CAMK2D: variants seen among roughly 807,000 people sequenced by gnomAD.
The protein encoded by CAMK2D is calcium/calmodulin dependent protein kinase II delta.
CAMK2D carries 37 observed loss-of-function variants against 84.0 expected under a neutral mutation model. That is an observed-to-expected ratio of 0.44 (90% confidence interval 0.34 to 0.58). The LOEUF is 0.58. CAMK2D is among the 20% of genes least tolerant of loss of function. The pLI, the probability that CAMK2D is intolerant of heterozygous loss-of-function variation, is 0.02. For synonymous variants in CAMK2D, 202 were observed against 212.5 expected, an observed-to-expected ratio of 0.95 and a Z score of 0.43; for missense variants, 448 against 652.5, an observed-to-expected ratio of 0.69 and a Z score of 3.41.
chr4:113,614,014 T>G (rs2099011665), intron 3 of CAMK2D, among the ~76,000 whole-genome samples: 1 of 152,100 alleles, frequency 6.6e-6, no homozygotes, highest in African/African-American at 2.4e-5. Context: ...CTTATCCATT[T>G]TGATGACACA....
At chr4:113,613,765 A>T (rs1279542608) in intron 3 of CAMK2D, among the ~76,000 whole-genome samples, 1 of 152,174 alleles carries the variant, frequency 6.6e-6, no homozygotes, top group East Asian at 1.9e-4. Context: ...GAAGAATCTG[A>T]AAGCTTACCC....
chr4:113,574,964 GA>G (rs1261508643), intron 4 of CAMK2D, among the ~76,000 whole-genome samples: 2 of 152,126 alleles, frequency 1.3e-5, no homozygotes, highest in Non-Finnish European at 2.9e-5. Context: ...AGCATATGGT[GA>G]AATCAGTTGA....
chr4:113,723,370 G>A (rs556488816), intron 2 of CAMK2D, among the ~76,000 whole-genome samples: 23 of 152,028 alleles, frequency 1.5e-4, no homozygotes, highest in African/African-American at 4.6e-4. Flanking sequence ...GAATACAGGC[G>A]TGTGCCACCA....
intron 16 of CAMK2D, among the ~76,000 whole-genome samples, chr4:113,495,361 A>T (rs1319004349): frequency 6.6e-6 from 1 of 152,248 alleles, no homozygotes; most frequent in Non-Finnish European, 1.5e-5. Flanking sequence ...TGAGAAATGT[A>T]TGCAAGACAA....
chr4:113,698,817 T>C (rs1176091274), intron 2 of CAMK2D, among the ~76,000 whole-genome samples: 4 of 152,060 alleles, frequency 2.6e-5, no homozygotes, highest in Non-Finnish European at 5.9e-5. Flanking sequence ...AAAATGGGTA[T>C]ATAGCTATAT....
At chr4:113,599,024 T>C (rs947004375) in intron 4 of CAMK2D, among the ~76,000 whole-genome samples, 5 of 152,160 alleles carry the variant, frequency 3.3e-5, no homozygotes, top group Admixed American at 6.6e-5. Flanking sequence ...TACCTCACCA[T>C]AGAAGAATGC....
intron 3 of CAMK2D, among the ~76,000 whole-genome samples, chr4:113,660,438 C>A (rs1047894721): frequency 6.6e-6 from 1 of 152,122 alleles, no homozygotes; most frequent in Non-Finnish European, 1.5e-5. Flanking sequence ...CATTTTGTCA[C>A]CCAGGCTGTC....
chr4:113,578,173 C>T (rs910769385), intron 4 of CAMK2D, among the ~76,000 whole-genome samples: 8 of 152,312 alleles, frequency 5.3e-5, no homozygotes, highest in Non-Finnish European at 1.0e-4. Flanking sequence ...CTTAATATTT[C>T]GGATCATTTT....
chr4:113,592,429 T>C (rs1198528377), intron 4 of CAMK2D, among the ~76,000 whole-genome samples: 1 of 152,236 alleles, frequency 6.6e-6, no homozygotes, highest in Non-Finnish European at 1.5e-5. Flanking sequence ...AATTCTAGCC[T>C]CTTTCAAGGA....
At chr4:113,609,492 T>C (rs796338055) in intron 3 of CAMK2D, among the ~76,000 whole-genome samples, 1 of 152,034 alleles carries the variant, frequency 6.6e-6, no homozygotes, top group South Asian at 2.1e-4. Flanking sequence ...TTAAATGAGA[T>C]AAAAATCCAC....
intron 8 of CAMK2D, among the ~76,000 whole-genome samples, chr4:113,519,684 T>A (rs529029460): frequency 1.3e-5 from 2 of 152,352 alleles, no homozygotes; most frequent in Admixed American, 6.5e-5. Flanking sequence ...TCTGAATGTA[T>A]AGAACAAGTA....
At position 113,578,518 on chromosome 4, in the gene CAMK2D, T is replaced by C. The variant is rs866415824; in HGVS notation, c.276-26422A>G. On this transcript the variant is annotated intron_variant, in intron 4 of 20. Coordinates refer to ENST00000511664, the MANE Select transcript of CAMK2D (RefSeq NM_001321571.2). ...GCTTTAAGTTATCCCTCATTCCCTA[T>C]TGGGTTCATATCAGTTCAAAATGAA... 6.9e-4 allele frequency among the ~76,000 whole-genome samples: 105 copies of C among 152,312 alleles called. 1 individual carries two copies. Among genetic ancestry groups the C allele is most frequent in the African/African-American group, 2.4e-3 (98 of 41,566 alleles).
At chr4:113,467,737 G>A (rs371978261) in intron 16 of CAMK2D, among the ~76,000 whole-genome samples, 1 of 152,154 alleles carries the variant, frequency 6.6e-6, no homozygotes, top group Non-Finnish European at 1.5e-5. Context: ...TAAGGATCCT[G>A]CCAGTGACAC....
chr4:113,547,537 G>A (rs1417566004), intron 6 of CAMK2D, 107 bp downstream of exon 6: 5 of 582,210 alleles, frequency 8.6e-6, no homozygotes, highest in African/African-American at 7.5e-5. Context: ...GCTGGAATAA[G>A]TCCACACAAC....
At chr4:113,487,632 T>C (rs2097778422) in intron 16 of CAMK2D, among the ~76,000 whole-genome samples, 1 of 152,102 alleles carries the variant, frequency 6.6e-6, no homozygotes, top group Non-Finnish European at 1.5e-5. Flanking sequence ...CTCACTGGAA[T>C]GTGTTTAAAG....
At chr4:113,458,691 GTTTA>G (rs1047889894) in intron 18 of CAMK2D, among the ~76,000 whole-genome samples, 14 of 152,172 alleles carry the variant, frequency 9.2e-5, no homozygotes, top group African/African-American at 3.4e-4. Context: ...AGTTCTTTTT[GTTTA>G]TTTGTTTGTA....
chr4:113,522,486 C>A (rs1268968728), intron 8 of CAMK2D, among the ~76,000 whole-genome samples: 1 of 152,182 alleles, frequency 6.6e-6, no homozygotes, highest in Non-Finnish European at 1.5e-5. Context: ...AAGGGCAGAA[C>A]AAAGAGCTAG....
At chr4:113,688,701 T>A (rs2099367372) in intron 2 of CAMK2D, among the ~76,000 whole-genome samples, 1 of 152,036 alleles carries the variant, frequency 6.6e-6, no homozygotes, top group Admixed American at 6.5e-5. Flanking sequence ...GTCACAGAAT[T>A]GCCAACTTCC....
At chr4:113,627,502 G>A (rs541338318) in intron 3 of CAMK2D, among the ~76,000 whole-genome samples, 2 of 152,232 alleles carry the variant, frequency 1.3e-5, no homozygotes, top group East Asian at 1.9e-4. Flanking sequence ...TGTTTAAAGA[G>A]ATCTTAACTG....
Sources: allele counts gnomAD v4.1 joint callset (sites outside exome capture counted in the v4.1 genomes callset), GRCh38; gene constraint gnomAD v4.1.1; transcripts MANE v1.5; gene names NCBI Gene and HGNC (gene_info 2026-07-23, HGNC 2026-07-21).